ASAP1: variants seen among roughly 807,000 people sequenced by gnomAD.
ASAP1 encodes ArfGAP with SH3 domain, ankyrin repeat and PH domain 1, also known as arf-GAP with SH3 domain, ANK repeat and PH domain-containing protein 1.
In ASAP1, 43 loss-of-function variants were observed where a neutral mutation model predicts 145.2. The observed-to-expected ratio is 0.30, with a 90% CI of 0.23 to 0.38. The LOEUF is 0.38. Among genes scored for constraint, ASAP1 ranks in the 10% least tolerant of loss-of-function variants. The probability of loss-of-function intolerance (pLI) is 1.00; values close to 1 mark genes in which losing one functional copy is unlikely to be tolerated. For synonymous variants in ASAP1, 546 were observed against 515.5 expected (o/e 1.06, Z -0.80); for missense variants, 1,018 against 1,355.3 (o/e 0.75, Z 3.91).
chr8:130,311,721 A>ACTG (rs1823355768), intron 3 of ASAP1, among the ~76,000 whole-genome samples: 1 of 139,730 alleles, frequency 7.2e-6, no homozygotes, highest in Admixed American at 7.7e-5. Context: ...AGATCGCGCC[A>ACTG]CTGCACTCCA....
At chr8:130,132,154 G>C (rs1488736081) in intron 15 of ASAP1, among the ~76,000 whole-genome samples, 1 of 152,228 alleles carries the variant, frequency 6.6e-6, no homozygotes, top group Admixed American at 6.5e-5. Context: ...TACTAGGACT[G>C]TTACCATGGG....
rs117257404 is a variant in ASAP1 at position 130,141,304 on chromosome 8, G to C, written c.1081-4266C>G. On this transcript the variant is annotated intron_variant, in intron 13 of 29. Transcript: ENST00000518721. ...AATCGCAGGCCCCTTCTCGCACTCA[G>C]CTCCTGTCACTCTGAGTTGTTCCTT... Among the ~76,000 whole-genome samples the C allele has an allele frequency of 7.0e-3, 1,060 of 152,150 alleles. 3 individuals carry two copies. The highest frequency in any genetic ancestry group is 0.029 in the South Asian group (139 of 4,816).
intron 3 of ASAP1, among the ~76,000 whole-genome samples, chr8:130,256,883 C>A (rs771062244): frequency 2.0e-5 from 3 of 148,516 alleles, no homozygotes; most frequent in Non-Finnish European, 4.5e-5. Flanking sequence ...TTTAATATAC[C>A]GCTGGGAGTA....
intron 11 of ASAP1, among the ~76,000 whole-genome samples, chr8:130,164,353 G>A (rs2097675706): frequency 6.6e-6 from 1 of 152,220 alleles, no homozygotes; most frequent in South Asian, 2.1e-4. Context: ...GGGAGGCTGA[G>A]GCGGGCAGAT....
At chr8:130,149,707 T>G (rs1052404742) in intron 13 of ASAP1, among the ~76,000 whole-genome samples, 2 of 152,234 alleles carry the variant, frequency 1.3e-5, no homozygotes, top group African/African-American at 4.8e-5. Context: ...AGAAGCCCTT[T>G]ATGTTTTTCT....
At chr8:130,324,529 C>G (rs62525931) in intron 3 of ASAP1, among the ~76,000 whole-genome samples, 53,893 of 152,020 alleles carry the variant, frequency 0.35, 10,480 homozygotes, top group East Asian at 0.59. Context: ...CTGACTTGGG[C>G]AAGTACTTAG....
chr8:130,412,698 C>CTAGA (rs1004135272), intron 1 of ASAP1, among the ~76,000 whole-genome samples: 2 of 151,334 alleles, frequency 1.3e-5, no homozygotes, highest in African/African-American at 4.9e-5. Flanking sequence ...GTCACCCAGA[C>CTAGA]TAGAGTGCAG....
At chr8:130,057,824 G>A (rs1202957628) in intron 29 of ASAP1, 130 bp downstream of exon 29, 1 of 1,182,216 alleles carries the variant, frequency 8.5e-7, no homozygotes, top group African/African-American at 1.5e-5. Context: ...TGTTGGGTGA[G>A]TGATGCAGCT....
chr8:130,323,345 A>C (rs950297077), intron 3 of ASAP1, among the ~76,000 whole-genome samples: 1 of 152,258 alleles, frequency 6.6e-6, no homozygotes, highest in African/African-American at 2.4e-5. Flanking sequence ...AAGAAACAAG[A>C]GGGAACATAC....
intron 3 of ASAP1, among the ~76,000 whole-genome samples, chr8:130,240,802 C>T (rs533884845): frequency 1.6e-4 from 25 of 152,146 alleles, no homozygotes; most frequent in African/African-American, 5.1e-4. Flanking sequence ...AACCTTGATA[C>T]GAAGACTTTT....
intron 13 of ASAP1, among the ~76,000 whole-genome samples, chr8:130,139,074 C>T (rs187980417): frequency 1.2e-4 from 18 of 152,004 alleles, no homozygotes; most frequent in Admixed American, 2.0e-4. Context: ...ACTCTTGCTA[C>T]GATATTATGT....
intron 3 of ASAP1, among the ~76,000 whole-genome samples, chr8:130,285,271 T>A (rs72724426): frequency 5.5e-4 from 84 of 151,474 alleles, no homozygotes; most frequent in African/African-American, 2.0e-3. Context: ...TTCAGAAACA[T>A]ACACAAATAA....
At chr8:130,092,887 T>C (rs1366355689) in intron 24 of ASAP1, among the ~76,000 whole-genome samples, 3 of 151,922 alleles carry the variant, frequency 2.0e-5, no homozygotes, top group Non-Finnish European at 4.4e-5. Context: ...TAATAGAATT[T>C]TTCTTTCTAC....
chr8:130,289,080 G>T (rs1256339469), intron 3 of ASAP1, among the ~76,000 whole-genome samples: 2 of 152,176 alleles, frequency 1.3e-5, no homozygotes, highest in Non-Finnish European at 2.9e-5. Context: ...CAGGTACTCG[G>T]GAAGCTGAGG....
intron 11 of ASAP1, among the ~76,000 whole-genome samples, chr8:130,161,225 G>T (rs1007104638): frequency 6.6e-6 from 1 of 151,846 alleles, no homozygotes; most frequent in Non-Finnish European, 1.5e-5. Flanking sequence ...CAAGGGAAAA[G>T]AACTTAAATA....
chr8:130,210,867 A>G (rs1307717871), intron 5 of ASAP1, among the ~76,000 whole-genome samples: 1 of 152,216 alleles, frequency 6.6e-6, no homozygotes, highest in African/African-American at 2.4e-5. Flanking sequence ...GAAGATGTAA[A>G]TAACAATTAA....
chr8:130,323,330 G>A (rs1049901188), intron 3 of ASAP1, among the ~76,000 whole-genome samples: 1 of 152,178 alleles, frequency 6.6e-6, no homozygotes, highest in Admixed American at 6.5e-5. Flanking sequence ...TTAAACACTA[G>A]TGTAAAGAAA....
In ASAP1 at chr8:130,116,682, T is replaced by C; in HGVS notation, c.2060A>G (p.Asp687Gly). 1 of 1,614,024 alleles carries C rather than the reference T, an allele frequency of 6.2e-7. No homozygotes were observed. Among genetic ancestry groups the C allele is most frequent in the Non-Finnish European group, 8.5e-7 (1 of 1,179,916 alleles). Residue 687 changes from aspartate to glycine, a missense_variant, in exon 22 of 30, where the codon GAT (aspartate) becomes GGT (glycine). This residue lies in a region of ASAP1 where 353 missense variants were observed against 375.4 expected (regional missense o/e 0.94). Transcript: ENST00000518721. Reference sequence around the variant, plus strand: ...CCCACGTCCATTTTTGCTTACCAGATCTTCACACTGGGTAGCTTTTAGTCT... The same window carrying C: ...CCCACGTCCATTTTTGCTTACCAGACCTTCACACTGGGTAGCTTTTAGTCT... Reference protein sequence around the residue: ...AKRLKATQCEDLLSQAKSGKF... With the variant: ...AKRLKATQCEGLLSQAKSGKF...
intron 27 of ASAP1, among the ~76,000 whole-genome samples, chr8:130,073,640 G>C (rs2097455191): frequency 6.6e-6 from 1 of 152,190 alleles, no homozygotes; most frequent in Admixed American, 6.5e-5. Context: ...CCAGGCAGGG[G>C]AGAAGCAGTG....
Sources: gnomAD v4.1 joint callset for allele counts (sites outside exome capture counted in the v4.1 genomes callset) on GRCh38, gnomAD v4.1.1 for gene constraint, gnomAD v4.1.1 regional missense constraint, MANE v1.5 for transcripts, NCBI Gene and HGNC (gene_info 2026-07-23, HGNC 2026-07-21) for gene names.